The following RIT2 variants were observed in gnomAD, a reference collection of about 807,000 sequenced individuals.
The protein encoded by RIT2 is Ras like without CAAX 2.
RIT2 carries 24 observed loss-of-function variants against 23.7 expected under a neutral mutation model. The observed-to-expected ratio is 1.01, with a 90% CI of 0.73 to 1.43. The LOEUF is 1.43. RIT2 is among the 40% of genes most tolerant of loss of function. RIT2 has a pLI of 0.00. For missense variants in RIT2, 236 were observed against 266.9 expected, an observed-to-expected ratio of 0.88 and a Z score of 0.81; for synonymous variants, 107 against 91.1, an observed-to-expected ratio of 1.17 and a Z score of -0.99.
At chr18:43,004,801 C>T (rs1468737084) in intron 2 of RIT2, among the ~76,000 whole-genome samples, 1 of 151,858 alleles carries the variant, frequency 6.6e-6, no homozygotes, top group East Asian at 1.9e-4. Flanking sequence ...CATTGTGCTT[C>T]TTATTGTAAT....
chr18:42,920,847 G>T, intron 4 of RIT2: 2 of 918,184 alleles, frequency 2.2e-6, no homozygotes, highest in South Asian at 1.4e-5. Flanking sequence ...TTTCACCGTT[G>T]AGAGTTTAAC....
At chr18:42,802,995 T>C (rs1428850614) in intron 4 of RIT2, among the ~76,000 whole-genome samples, 2 of 152,176 alleles carry the variant, frequency 1.3e-5, no homozygotes, top group East Asian at 3.9e-4. Flanking sequence ...AACCTGGCCC[T>C]GGGCAAAGCC....
At chr18:42,774,394 T>G (rs1163427613) in intron 4 of RIT2, among the ~76,000 whole-genome samples, 1 of 152,270 alleles carries the variant, frequency 6.6e-6, no homozygotes, top group Non-Finnish European at 1.5e-5. Flanking sequence ...AAATCCGTTA[T>G]GTGTCTTCCT....
chr18:42,894,542 A>G (rs566967380), intron 4 of RIT2, among the ~76,000 whole-genome samples: 3 of 152,312 alleles, frequency 2.0e-5, no homozygotes, highest in African/African-American at 7.2e-5. Context: ...AGTATAGGCT[A>G]TGCTATGATA....
chr18:42,846,893 T>C (rs1906924098), intron 4 of RIT2, among the ~76,000 whole-genome samples: 1 of 152,134 alleles, frequency 6.6e-6, no homozygotes, highest in Admixed American at 6.6e-5. Flanking sequence ...CTGATAACAC[T>C]ATTTAACATT....
At chr18:42,862,813 G>A (rs1907363780) in intron 4 of RIT2, among the ~76,000 whole-genome samples, 1 of 152,118 alleles carries the variant, frequency 6.6e-6, no homozygotes, top group African/African-American at 2.4e-5. Context: ...ATTTTTCATT[G>A]CAATTCAACT....
At chr18:42,876,121 A>C (rs1907737539) in intron 4 of RIT2, among the ~76,000 whole-genome samples, 1 of 152,086 alleles carries the variant, frequency 6.6e-6, no homozygotes, top group Non-Finnish European at 1.5e-5. Context: ...CGGACTCAAA[A>C]AGTTTAGAGC....
chr18:42,841,894 G>A (rs187870901), intron 4 of RIT2, among the ~76,000 whole-genome samples: 50 of 152,274 alleles, frequency 3.3e-4, no homozygotes, highest in Admixed American at 7.2e-4. Context: ...GCACTCAAGA[G>A]CTTTGTCATA....
intron 1 of RIT2, among the ~76,000 whole-genome samples, chr18:43,093,415 A>G (rs12456492): frequency 0.33 from 49,786 of 151,938 alleles, 8,201 homozygotes; most frequent in East Asian, 0.38. Flanking sequence ...CACTTACTTC[A>G]GCTACATTTC....
intron 1 of RIT2, among the ~76,000 whole-genome samples, chr18:43,040,981 A>T (rs1157547008): frequency 6.6e-6 from 1 of 152,148 alleles, no homozygotes; most frequent in South Asian, 2.1e-4. Flanking sequence ...ACTTTTAAAA[A>T]TTTTTGTAGG....
At chr18:42,823,603 A>C (rs923665666) in intron 4 of RIT2, among the ~76,000 whole-genome samples, 1 of 152,192 alleles carries the variant, frequency 6.6e-6, no homozygotes, top group African/African-American at 2.4e-5. Context: ...TGTGGCTGGC[A>C]ATTTATCCCT....
intron 4 of RIT2, among the ~76,000 whole-genome samples, chr18:42,777,690 T>C (rs1654866223): frequency 6.6e-6 from 1 of 152,170 alleles, no homozygotes; most frequent in Admixed American, 6.5e-5. Context: ...TTTAGTAACA[T>C]AGCTTTAGAC....
chr18:43,092,003 A>G (rs1913433728), intron 1 of RIT2, among the ~76,000 whole-genome samples: 1 of 152,154 alleles, frequency 6.6e-6, no homozygotes, highest in African/African-American at 2.4e-5. Flanking sequence ...TTCCATATAT[A>G]TTATTTTATG....
At chr18:43,102,445 CTTTTTTTTTT>C (rs200839354) in intron 1 of RIT2, among the ~76,000 whole-genome samples, 1 of 109,932 alleles carries the variant, frequency 9.1e-6, no homozygotes, top group African/African-American at 3.5e-5. Flanking sequence ...TCAGGAAACC[CTTTTTTTTTT>C]TTTTTTTTTT....
chr18:42,896,431 A>G (rs1908332492), intron 4 of RIT2, among the ~76,000 whole-genome samples: 1 of 152,186 alleles, frequency 6.6e-6, no homozygotes, highest in African/African-American at 2.4e-5. Flanking sequence ...ATCCTGACTA[A>G]CTGATTTTTT....
chr18:42,895,227 T>C (rs1003848336), intron 4 of RIT2, among the ~76,000 whole-genome samples: 3 of 152,226 alleles, frequency 2.0e-5, no homozygotes, highest in Non-Finnish European at 4.4e-5. Context: ...TGTCCTGTTT[T>C]ATAATACTCA....
intron 4 of RIT2, among the ~76,000 whole-genome samples, chr18:42,893,087 A>G (rs537891): frequency 0.93 from 141,498 of 152,098 alleles, 65,846 homozygotes; most frequent in East Asian, 1. Flanking sequence ...ACTCTCCTGG[A>G]CATGGTGGTG....
chr18:43,107,650 A>C (rs1913855812), intron 1 of RIT2, among the ~76,000 whole-genome samples: 1 of 152,008 alleles, frequency 6.6e-6, no homozygotes, highest in African/African-American at 2.4e-5. Context: ...GTTGAAAGGA[A>C]TTGTCACCTT....
chr18:42,876,348 CTT>C (rs200902270), intron 4 of RIT2, among the ~76,000 whole-genome samples: 63 of 139,856 alleles, frequency 4.5e-4, no homozygotes, highest in African/African-American at 1.5e-3. Context: ...GTGCCTGAAA[CTT>C]TTTTTTTTTT....
Sources: allele counts gnomAD v4.1 joint callset (sites outside exome capture counted in the v4.1 genomes callset), GRCh38; gene constraint gnomAD v4.1.1; transcripts MANE v1.5; gene names NCBI Gene and HGNC (gene_info 2026-07-23, HGNC 2026-07-21).